ZNF385D: variants seen among roughly 807,000 people sequenced by gnomAD.
ZNF385D encodes zinc finger protein 385D.
In ZNF385D, 15 loss-of-function variants were observed where a neutral mutation model predicts 35.8. The observed-to-expected ratio is 0.42, with a 90% confidence interval of 0.28 to 0.64. The LOEUF is 0.64. ZNF385D is among the 30% of genes least tolerant of loss of function. The probability of loss-of-function intolerance (pLI) is 0.23; values close to 1 mark genes in which losing one functional copy is unlikely to be tolerated. For missense variants in ZNF385D, 474 were observed against 494.6 expected, an observed-to-expected ratio of 0.96 and a Z score of 0.39; for synonymous variants, 212 against 186.8, an observed-to-expected ratio of 1.13 and a Z score of -1.10.
intron 3 of ZNF385D, among the ~76,000 whole-genome samples, chr3:21,550,021 T>C (rs1052896868): frequency 1.3e-5 from 2 of 152,180 alleles, no homozygotes; most frequent in Middle Eastern, 3.2e-3. Context: ...TTGAGAGAGC[T>C]GAATCCTAAC....
chr3:22,145,327 A>C (rs769253265), intron 3 of ZNF385D, among the ~76,000 whole-genome samples: 2 of 152,224 alleles, frequency 1.3e-5, no homozygotes, highest in Non-Finnish European at 2.9e-5. Flanking sequence ...TGTTGAAGAT[A>C]CAGAGGTTAA....
chr3:21,496,704 TAATCA>T (rs1348606252), intron 4 of ZNF385D, among the ~76,000 whole-genome samples: 1 of 151,612 alleles, frequency 6.6e-6, no homozygotes, highest in Non-Finnish European at 1.5e-5. Context: ...GAATCTACCA[TAATCA>T]AATAGGCTTT....
chr3:21,999,777 A>AT (rs1392391770), intron 3 of ZNF385D, among the ~76,000 whole-genome samples: 50 of 105,132 alleles, frequency 4.8e-4, no homozygotes, highest in African/African-American at 1.5e-3. Context: ...AGGCAAAAAA[A>AT]AAAAAAATAA....
At chr3:21,628,879 T>G (rs1163049065) in intron 2 of ZNF385D, among the ~76,000 whole-genome samples, 1 of 152,240 alleles carries the variant, frequency 6.6e-6, no homozygotes, top group Non-Finnish European at 1.5e-5. Context: ...TATATATACA[T>G]GCTTCCTTAA....
intron 1 of ZNF385D, among the ~76,000 whole-genome samples, chr3:21,708,066 G>C (rs2067972734): frequency 6.6e-6 from 1 of 152,168 alleles, no homozygotes; most frequent in African/African-American, 2.4e-5. Flanking sequence ...GAAGCAGCTA[G>C]AAATGATATC....
In ZNF385D at chr3:21,945,173, T is replaced by TAG. The variant is rs538815261; in HGVS notation, c.325+223642_325+223643dup. 2.5e-3 allele frequency among the ~76,000 whole-genome samples: 372 copies of TAG among 150,700 alleles called. 1 individual carries two copies. Among genetic ancestry groups the TAG allele is most frequent in the East Asian group, 0.01 (52 of 5,138 alleles). On this transcript the variant is annotated intron_variant, in intron 3 of 5. Transcript: ENST00000494108. ...ATATATATACACACACATATATATA[T>TAG]AGTGAGAGAGAGAGAGACAGATTGA...
chr3:21,720,481 G>A (rs1260460369), intron 1 of ZNF385D, among the ~76,000 whole-genome samples: 1 of 152,170 alleles, frequency 6.6e-6, no homozygotes, highest in African/African-American at 2.4e-5. Context: ...TTGAGCTCAG[G>A]AGTTCAGGGC....
At chr3:22,286,214 AAT>A (rs1261391452) in intron 2 of ZNF385D, among the ~76,000 whole-genome samples, 2 of 152,142 alleles carry the variant, frequency 1.3e-5, no homozygotes, top group African/African-American at 4.8e-5. Flanking sequence ...TAAGATAATT[AAT>A]ATTTGTCTAA....
intron 3 of ZNF385D, among the ~76,000 whole-genome samples, chr3:22,077,616 CAAAT>C (rs1344172240): frequency 6.6e-6 from 1 of 151,876 alleles, no homozygotes; most frequent in African/African-American, 2.4e-5. Flanking sequence ...ATGAAAGAAT[CAAAT>C]AAATATTTGA....
chr3:22,168,907 A>C, exon 3 of ZNF385D: 1 of 985,860 alleles, frequency 1.0e-6, no homozygotes, highest in Non-Finnish European at 1.2e-6. Flanking sequence ...TGAGCGGCTG[A>C]ATTCAGCTGA....
At chr3:21,989,862 T>C (rs1695051603) in intron 3 of ZNF385D, among the ~76,000 whole-genome samples, 1 of 152,220 alleles carries the variant, frequency 6.6e-6, no homozygotes, top group African/African-American at 2.4e-5. Context: ...TGATGGTATA[T>C]GTCAAGCCGT....
At chr3:22,134,902 C>G (rs1307640489) in intron 3 of ZNF385D, among the ~76,000 whole-genome samples, 1 of 152,182 alleles carries the variant, frequency 6.6e-6, no homozygotes, top group African/African-American at 2.4e-5. Flanking sequence ...CTAGTCACCT[C>G]TCATTAGGTC....
chr3:22,259,789 C>G (rs1287357853), intron 2 of ZNF385D, among the ~76,000 whole-genome samples: 1 of 151,668 alleles, frequency 6.6e-6, no homozygotes, highest in Non-Finnish European at 1.5e-5. Context: ...GAAATTTTAC[C>G]AGCCAGTGCT....
At chr3:22,367,756 C>A (rs2125230259) in intron 2 of ZNF385D, among the ~76,000 whole-genome samples, 2 of 152,204 alleles carry the variant, frequency 1.3e-5, no homozygotes, top group East Asian at 3.9e-4. Context: ...CTCTAATAAT[C>A]TCTTCTATTA....
At chr3:22,069,209 G>A (rs370285564) in intron 3 of ZNF385D, among the ~76,000 whole-genome samples, 105 of 152,278 alleles carry the variant, frequency 6.9e-4, no homozygotes, top group African/African-American at 2.5e-3. Context: ...CTCCAACAGG[G>A]TCTGAGAAAA....
intron 3 of ZNF385D, among the ~76,000 whole-genome samples, chr3:21,518,299 C>T (rs1462617431): frequency 6.6e-6 from 1 of 151,998 alleles, no homozygotes; most frequent in Admixed American, 6.6e-5. Context: ...GAAGGATGAA[C>T]TCAAATAGCA....
At chr3:22,314,877 C>G (rs150080255) in intron 2 of ZNF385D, among the ~76,000 whole-genome samples, 2 of 152,186 alleles carry the variant, frequency 1.3e-5, no homozygotes, top group African/African-American at 4.8e-5. Flanking sequence ...AAAAACCAAA[C>G]AGATGGTAGA....
chr3:21,582,936 C>T (rs1029034549), intron 2 of ZNF385D, among the ~76,000 whole-genome samples: 14 of 152,174 alleles, frequency 9.2e-5, no homozygotes, highest in Middle Eastern at 3.4e-3. Context: ...CACCACCACG[C>T]CCAGCTAATT....
At chr3:21,746,460 A>G (rs1393057481) in intron 1 of ZNF385D, among the ~76,000 whole-genome samples, 3 of 152,356 alleles carry the variant, frequency 2.0e-5, no homozygotes, top group Non-Finnish European at 4.4e-5. Flanking sequence ...TGGCTTTTAA[A>G]GTTATCTTAG....
Sources: allele counts gnomAD v4.1 joint callset (sites outside exome capture counted in the v4.1 genomes callset), GRCh38; gene constraint gnomAD v4.1.1; transcripts MANE v1.5; gene names NCBI Gene and HGNC (gene_info 2026-07-23, HGNC 2026-07-21).